The following HELLS variants were observed in gnomAD, a reference collection of about 807,000 sequenced individuals.
HELLS encodes the protein lymphoid-specific helicase.
In HELLS, 32 loss-of-function variants were observed where a neutral mutation model predicts 120.0. The observed-to-expected ratio is 0.27, with a 90% CI of 0.20 to 0.36. The LOEUF is 0.36. Ranked by LOEUF, HELLS falls within the 10% of genes least tolerant of loss-of-function variation. The probability of loss-of-function intolerance (pLI) is 1.00; values close to 1 mark genes in which losing one functional copy is unlikely to be tolerated. For synonymous variants in HELLS, 341 were observed against 323.4 expected (o/e 1.05, Z -0.58); for missense variants, 650 against 993.4 (o/e 0.65, Z 4.65).
intron 2 of HELLS, among the ~76,000 whole-genome samples, chr10:94,548,391 A>G (rs574779946): frequency 2.6e-5 from 4 of 152,256 alleles, no homozygotes; most frequent in African/African-American, 9.6e-5. Context: ...CTTCAGTTTT[A>G]TCTTGTTTCT....
At chr10:94,572,913 A>T (rs895248732) in intron 7 of HELLS, among the ~76,000 whole-genome samples, 1 of 152,132 alleles carries the variant, frequency 6.6e-6, no homozygotes, top group African/African-American at 2.4e-5. Context: ...CCTAATTACT[A>T]CTGAAGTAGA....
intron 7 of HELLS, among the ~76,000 whole-genome samples, chr10:94,573,307 T>C (rs1413930897): frequency 2.0e-5 from 3 of 152,178 alleles, no homozygotes; most frequent in African/African-American, 4.8e-5. Flanking sequence ...GCCCGTCTTA[T>C]TTATGCGTAC....
chr10:94,547,023 G>T (rs1240768049), intron 2 of HELLS, among the ~76,000 whole-genome samples: 1 of 152,096 alleles, frequency 6.6e-6, no homozygotes, highest in Non-Finnish European at 1.5e-5. Flanking sequence ...TGGTTTCATG[G>T]CCTGTGTATT....
chr10:94,574,515 A>T, intron 8 of HELLS, 39 bp from the exon 9 acceptor site: 2 of 1,429,004 alleles, frequency 1.4e-6, no homozygotes, highest in South Asian at 2.4e-5. Flanking sequence ...GTAGTTGTTT[A>T]TATCCAAGTT....
At chr10:94,613,866 A>G (rs1846218739) in exon 10 of HELLS, 1 of 152,148 alleles carries the variant, frequency 6.6e-6, no homozygotes, top group African/African-American at 2.4e-5. Context: ...ATTTCTCTAT[A>G]TATGTTTTCC....
chr10:94,561,706 A>G (rs922345501), intron 4 of HELLS, among the ~76,000 whole-genome samples: 3 of 152,128 alleles, frequency 2.0e-5, no homozygotes, highest in South Asian at 2.1e-4. Flanking sequence ...GCTTCAAGCA[A>G]TCCTACTACC....
intron 12 of HELLS, among the ~76,000 whole-genome samples, chr10:94,587,463 T>C (rs1845226445): frequency 6.6e-6 from 1 of 152,212 alleles, no homozygotes; most frequent in South Asian, 2.1e-4. Flanking sequence ...AGTCTTGCTC[T>C]GTCACCCAGG....
At chr10:94,604,951 G>T (rs1024426540), downstream of HELLS, among the ~76,000 whole-genome samples, 1 of 151,504 alleles carries the variant, frequency 6.6e-6, no homozygotes, top group African/African-American at 2.4e-5. Context: ...CTACTCCCTG[G>T]AACATTCTTC....
chr10:94,553,400 C>T (rs1843079778), intron 2 of HELLS, among the ~76,000 whole-genome samples: 1 of 151,964 alleles, frequency 6.6e-6, no homozygotes, highest in Admixed American at 6.6e-5. Flanking sequence ...AGGCATGCGC[C>T]ACCACGTCCT....
At chr10:94,575,098 ATTTT>A (rs570447113) in intron 9 of HELLS, among the ~76,000 whole-genome samples, 2 of 121,812 alleles carry the variant, frequency 1.6e-5, no homozygotes, top group Admixed American at 8.9e-5. Context: ...ACCTTCTGCA[ATTTT>A]TTTTTTTTTT....
chr10:94,547,752 A>G (rs1466339379), intron 2 of HELLS, among the ~76,000 whole-genome samples: 1 of 152,202 alleles, frequency 6.6e-6, no homozygotes, highest in African/African-American at 2.4e-5. Context: ...AGGCACATAG[A>G]GGTTGTTTGG....
At position 94,558,077 on chromosome 10, in the gene HELLS, A is replaced by G. The variant is rs559733058; in HGVS notation, c.277-62A>G. 43 of 1,520,764 alleles carry G rather than the reference A, an allele frequency of 2.8e-5. 1 individual carries two copies. The South Asian group carries it at 5.2e-4, about 19-fold the overall frequency. 94.2% of individuals were successfully genotyped at this position (1,520,764 alleles called of 1,614,324 possible). On this transcript the variant is annotated intron_variant, in intron 3 of 21. Coordinates refer to ENST00000348459, the MANE Select transcript of HELLS (RefSeq NM_018063.5). The stretch of plus-strand genomic sequence containing the variant: ...AAACATAAGTTATTTGAGAATTGAT[A>G]TGCGTTTTTTTTTTAAATGTTGCAC...
intron 21 of HELLS, among the ~76,000 whole-genome samples, chr10:94,598,996 C>T (rs1845888890): frequency 6.6e-6 from 1 of 151,908 alleles, no homozygotes; most frequent in Non-Finnish European, 1.5e-5. Flanking sequence ...TTTCTGTATT[C>T]TCAATTCTGT....
At chr10:94,602,636 C>G (rs559463098), downstream of HELLS, among the ~76,000 whole-genome samples, 1 of 152,210 alleles carries the variant, frequency 6.6e-6, no homozygotes, top group African/African-American at 2.4e-5. Flanking sequence ...GATAATGGAA[C>G]CGTCACTTAA....
rs11188019 is a variant in HELLS, at chr10:94,554,203, A to C, written c.231A>C (p.Ile77=). The C allele has an allele frequency of 0.45, 712,391 of 1,576,520 alleles. 164,534 individuals carry two copies. The highest frequency in any genetic ancestry group is 0.69 in the East Asian group (29,835 of 43,450). Residue 77 remains isoleucine, a synonymous_variant, in exon 3 of 22, where the codon ATA becomes ATC. Transcript: ENST00000348459. ...RLQHLLEKSN[I]YSKFLLTKME... is the part of the protein sequence containing the mutation. ...AACATTTGCTTGAAAAAAGCAATAT[A>C]TACTCCAAATTTTTATTGACGAAAA... is the stretch of plus-strand genomic sequence containing the variant.
At position 94,588,359 on chromosome 10, in the gene HELLS, G is replaced by A. The variant is rs777178711; in HGVS notation, c.1457G>A (p.Arg486His). 4 of 1,606,180 alleles carry A rather than the reference G, an allele frequency of 2.5e-6. No homozygotes were observed. The highest frequency in any genetic ancestry group is 1.3e-5 in the African/African-American group (1 of 74,682). ...QEIFYTAIVN[R>H]TIANMFGSSE... ...ATCTTTTATACAGCCATTGTGAACC[G>A]TACAATTGCAAACATGTTTGGATCC... Residue 486 changes from arginine (R) to histidine (H), a missense_variant, in exon 13 of 22, where the codon CGT becomes CAT. Physicochemically the swap from Arg to His is conservative, Grantham distance 29. Around this residue, in one of 9 missense-constraint regions of HELLS, gnomAD observed 191 missense variants for 259.7 expected, o/e 0.74. Transcript: ENST00000348459.
At chr10:94,565,221 T>C (rs1843732014) in intron 6 of HELLS, among the ~76,000 whole-genome samples, 1 of 152,044 alleles carries the variant, frequency 6.6e-6, no homozygotes, top group Admixed American at 6.6e-5. Flanking sequence ...CCTGTAGTCC[T>C]AGCTACTCAG....
chr10:94,564,336 C>T (rs1430566074), intron 6 of HELLS, among the ~76,000 whole-genome samples: 1 of 152,074 alleles, frequency 6.6e-6, no homozygotes, highest in Non-Finnish European at 1.5e-5. Flanking sequence ...ATAAGTATTT[C>T]AGGGAAAAAG....
In HELLS at chr10:94,564,136, T is replaced by TA. The variant is rs1297737999; in HGVS notation, c.435+1261dup. 4.7e-4 allele frequency among the ~76,000 whole-genome samples: 72 copies of TA among 152,302 alleles called. 1 individual carries two copies. Among genetic ancestry groups the TA allele is most frequent in the African/African-American group, 1.6e-3 (65 of 41,572 alleles). ...TTGCTGGTTTTCTTATTTGGGTTAT[T>TA]ACAGATAACAGTAATAGCTTTGACT... On this transcript the variant is annotated intron_variant, in intron 6 of 21. Coordinates refer to ENST00000348459, the MANE Select transcript of HELLS (RefSeq NM_018063.5).
Sources: gnomAD v4.1 joint callset for allele counts (sites outside exome capture counted in the v4.1 genomes callset) on GRCh38, gnomAD v4.1.1 for gene constraint, gnomAD v4.1.1 regional missense constraint, MANE v1.5 for transcripts, NCBI Gene and HGNC (gene_info 2026-07-23, HGNC 2026-07-21) for gene names.